The following ILRUN variants were observed in gnomAD, a reference collection of about 807,000 sequenced individuals.
ILRUN encodes protein ILRUN.
A neutral mutation model predicts 33.8 loss-of-function variants in ILRUN; 3 were observed. The ratio of observed to expected loss-of-function variants is 0.09; its 90% confidence interval spans 0.04 to 0.23. The LOEUF (loss-of-function observed/expected upper bound fraction) is 0.23, where lower values mean the gene tolerates loss of function less well. Among genes scored for constraint, ILRUN ranks in the 10% least tolerant of loss-of-function variants. The pLI, the probability that ILRUN is intolerant of heterozygous loss-of-function variation, is 1.00. For synonymous variants in ILRUN, 124 were observed against 138.9 expected (o/e 0.89, Z 0.75); for missense variants, 210 against 375.1 (o/e 0.56, Z 3.64).
intron 3 of ILRUN, among the ~76,000 whole-genome samples, chr6:34,628,141 C>T (rs537068211): frequency 6.6e-6 from 1 of 152,204 alleles, no homozygotes; most frequent in East Asian, 1.9e-4. Flanking sequence ...CTGCCTCAGC[C>T]TCCCAAGTAG....
rs1047339921 is a variant in ILRUN at position 34,687,866 on chromosome 6, G to T, written c.158+8580C>A. 2.6e-5 allele frequency among the ~76,000 whole-genome samples: 4 copies of T among 151,858 alleles called. No individual in the cohort carries two copies. The East Asian group carries it at 7.7e-4, about 29-fold the overall frequency. ...AAAATGATTCAGCCATCGTGGAAAA[G>T]AGTTTGGTGATTCCTCAAAAACAGA... On this transcript the variant is annotated intron_variant, in intron 1 of 4. Coordinates refer to ENST00000374023, the MANE Select transcript of ILRUN (RefSeq NM_024294.4).
intron 4 of ILRUN, chr6:34,596,033 C>T: frequency 1.4e-6 from 1 of 701,116 alleles, no homozygotes; most frequent in Non-Finnish European, 1.8e-6. Context: ...TGAGGCCCTG[C>T]TCACAGGCCT....
chr6:34,619,990 A>C (rs1301725002), intron 3 of ILRUN, among the ~76,000 whole-genome samples: 2 of 151,334 alleles, frequency 1.3e-5, no homozygotes, highest in Non-Finnish European at 2.9e-5. Context: ...GTCTCCAAAA[A>C]AAAAAAAAAA....
chr6:34,695,563 C>A (rs537792198), intron 1 of ILRUN, among the ~76,000 whole-genome samples: 42 of 152,332 alleles, frequency 2.8e-4, no homozygotes, highest in African/African-American at 8.9e-4. Flanking sequence ...TGGCTCCCAG[C>A]CTAAGTTCTC....
At chr6:34,633,616 C>T (rs1012518456) in intron 3 of ILRUN, among the ~76,000 whole-genome samples, 2 of 148,950 alleles carry the variant, frequency 1.3e-5, no homozygotes, top group Admixed American at 6.7e-5. Flanking sequence ...TTTGGGAGGC[C>T]AAGGTGGGAG....
chr6:34,590,963 T>A (rs1379845219), intron 4 of ILRUN, among the ~76,000 whole-genome samples: 1 of 152,214 alleles, frequency 6.6e-6, no homozygotes, highest in Admixed American at 6.5e-5. Flanking sequence ...GATCCTTATA[T>A]GCCATTCTAT....
chr6:34,679,747 CATACAAG>C (rs1448104020), intron 1 of ILRUN, among the ~76,000 whole-genome samples: 1 of 152,134 alleles, frequency 6.6e-6, no homozygotes, highest in Non-Finnish European at 1.5e-5. Context: ...AAGATGAGGT[CATACAAG>C]ATTAGGGTGG....
chr6:34,668,313 T>TG (rs1763045493), intron 1 of ILRUN, among the ~76,000 whole-genome samples: 1 of 152,180 alleles, frequency 6.6e-6, no homozygotes, highest in African/African-American at 2.4e-5. Context: ...GTCTCACAAG[T>TG]GAAATGTTCA....
intron 1 of ILRUN, among the ~76,000 whole-genome samples, chr6:34,683,475 C>CATATATATATACATATATATATACATAT (rs1216715946): frequency 1.4e-4 from 11 of 79,872 alleles, no homozygotes; most frequent in Middle Eastern, 6.5e-3. Flanking sequence ...TATATATACA[C>CATATATATATACATATATATATACATAT]ATATATATAT....
chr6:34,683,228 C>T (rs1763411850), intron 1 of ILRUN, among the ~76,000 whole-genome samples: 1 of 150,794 alleles, frequency 6.6e-6, no homozygotes, highest in African/African-American at 2.4e-5. Flanking sequence ...TATCCAAGTA[C>T]CTTGACAACT....
At chr6:34,649,590 TAGCA>T (rs1192011436) in intron 2 of ILRUN, among the ~76,000 whole-genome samples, 2 of 152,136 alleles carry the variant, frequency 1.3e-5, no homozygotes, top group Non-Finnish European at 2.9e-5. Flanking sequence ...TTTGAGATGG[TAGCA>T]AGCATCACAA....
At chr6:34,666,468 G>A (rs183015514) in intron 1 of ILRUN, among the ~76,000 whole-genome samples, 98 of 152,246 alleles carry the variant, frequency 6.4e-4, no homozygotes, top group Middle Eastern at 3.4e-3. Flanking sequence ...GGCTGCGGCA[G>A]GAGAATCGCT....
chr6:34,655,750 T>C (rs915092259), intron 1 of ILRUN, among the ~76,000 whole-genome samples: 3 of 152,192 alleles, frequency 2.0e-5, no homozygotes, highest in Non-Finnish European at 2.9e-5. Context: ...TTTTAATAAA[T>C]ATATCCAAAC....
At chr6:34,658,405 G>A in intron 1 of ILRUN, among the ~76,000 whole-genome samples, 1 of 150,252 alleles carries the variant, frequency 6.7e-6, no homozygotes, top group Non-Finnish European at 1.5e-5. Context: ...TATAGTTAAT[G>A]CCACAGAACT....
intron 1 of ILRUN, among the ~76,000 whole-genome samples, chr6:34,683,516 A>ATATATATGTG (rs1562033402): frequency 7.0e-4 from 38 of 54,632 alleles, no homozygotes; most frequent in African/African-American, 5.0e-3. Context: ...ATATATATAC[A>ATATATATGTG]TATATATATA....
Position 34,614,457 on chromosome 6 carries a change from A to ATAT in ILRUN, c.512-7554_512-7553insATA, listed in dbSNP as rs1309059164. On this transcript the variant is annotated intron_variant, in intron 3 of 4. Transcript: ENST00000374023. ...AAAAAAAAAAAAATATATATATATA[A>ATAT]AATGTATATTATATATTTTTTATAT... Among the ~76,000 whole-genome samples, 64 of 133,862 alleles carry ATAT rather than the reference A, an allele frequency of 4.8e-4. 1 individual carries two copies. The highest frequency in any genetic ancestry group is 1.4e-3 in the African/African-American group (45 of 32,050). 87.8% of individuals were successfully genotyped at this position (133,862 alleles called of 152,430 possible).
intron 3 of ILRUN, among the ~76,000 whole-genome samples, chr6:34,609,808 G>C (rs1164793399): frequency 1.3e-5 from 2 of 152,118 alleles, no homozygotes; most frequent in East Asian, 1.9e-4. Flanking sequence ...AAAGCCACCA[G>C]CAGCAGCACT....
chr6:34,637,482 G>A (rs1227589370), intron 3 of ILRUN, among the ~76,000 whole-genome samples: 2 of 151,994 alleles, frequency 1.3e-5, no homozygotes, highest in African/African-American at 4.8e-5. Flanking sequence ...TTAACAGAAG[G>A]GCGCTGGCTA....
At chr6:34,635,840 T>A (rs1762357375) in intron 3 of ILRUN, among the ~76,000 whole-genome samples, 1 of 152,076 alleles carries the variant, frequency 6.6e-6, no homozygotes, top group South Asian at 2.1e-4. Context: ...CAGGCTGGTC[T>A]TGAACTCCTG....
Sources: allele counts gnomAD v4.1 joint callset (sites outside exome capture counted in the v4.1 genomes callset), GRCh38; gene constraint gnomAD v4.1.1; transcripts MANE v1.5; gene names NCBI Gene and HGNC (gene_info 2026-07-23, HGNC 2026-07-21).